Variants in POLR1B observed in about 807,000 individuals in gnomAD.
POLR1B encodes the protein RNA polymerase I subunit B.
A neutral mutation model predicts 105.8 loss-of-function variants in POLR1B; 30 were observed. The observed-to-expected ratio is 0.28, with a 90% CI of 0.21 to 0.38. The LOEUF is 0.38. Among genes scored for constraint, POLR1B ranks in the 10% least tolerant of loss-of-function variants. POLR1B has a pLI of 1.00. For synonymous variants in POLR1B, 485 were observed against 505.1 expected (o/e 0.96, Z 0.53); for missense variants, 976 against 1,435.8 (o/e 0.68, Z 5.17).
In POLR1B at chr2:112,546,902, TG is replaced by T. The variant is rs1483918549; in HGVS notation, c.178-108del. 17 of 1,210,380 alleles carry T rather than the reference TG, an allele frequency of 1.4e-5. No individual in the cohort carries two copies. The East Asian group carries it at 4.0e-4, about 29-fold the overall frequency. The allele number at this position is 1,210,380 out of a possible 1,614,324, so 75.0% of individuals were successfully genotyped here. A position where few individuals can be genotyped will look rare whatever the true frequency, so the allele number is the denominator to read the frequency against. ...TTAACTGTCCTTTTTAGGTGTGTCA[TG>T]GTGGCATCACAGGCATCAATGTTTG... On this transcript the variant is annotated intron_variant, in intron 1 of 14. Coordinates refer to ENST00000263331, the MANE Select transcript of POLR1B (RefSeq NM_019014.6).
At chr2:112,561,074 A>G (rs1432343903) in intron 9 of POLR1B, among the ~76,000 whole-genome samples, 6 of 151,810 alleles carry the variant, frequency 4.0e-5, no homozygotes, top group South Asian at 2.1e-4. Context: ...AAAAAAAAAA[A>G]AGAGAGAGAG....
intron 3 of POLR1B, chr2:112,548,118 T>C (rs1357487980): frequency 6.6e-6 from 1 of 152,442 alleles, no homozygotes; most frequent in African/African-American, 2.4e-5. Flanking sequence ...AAATGACTTA[T>C]ATGCATTCCC....
Position 112,552,744 on chromosome 2 carries a change from G to T in POLR1B, c.1086G>T (p.Met362Ile). 1 of 1,612,060 alleles carries T rather than the reference G, an allele frequency of 6.2e-7. No homozygotes were observed. Among genetic ancestry groups the T allele is most frequent in the Admixed American group, 1.7e-5 (1 of 59,648 alleles). Residue 362 changes from methionine to isoleucine, a missense_variant, in exon 7 of 15, where the codon ATG becomes ATT. Coordinates refer to ENST00000263331, the MANE Select transcript of POLR1B (RefSeq NM_019014.6). The stretch of plus-strand genomic sequence containing the variant: ...TTGCTTTAGCCAAAGGAGAGTGCAT[G>T]GAGGACAATCCTGATAGTTTGGTGA... ...KLFALAKGEC[M>I]EDNPDSLVNQ...
rs1683844277 is a variant in POLR1B, at chr2:112,559,454, T to A, written c.1492T>A (p.Cys498Ser). 1 of 1,614,092 alleles carries A rather than the reference T, an allele frequency of 6.2e-7. No homozygotes were observed. Residue 498 changes from cysteine (C) to serine (S), a missense_variant, in exon 9 of 15, where the codon TGT becomes AGT. Cys to Ser is a moderately radical substitution (Grantham distance 112). This residue lies in a region of POLR1B where 5 missense variants were observed against 27.8 expected (regional missense o/e 0.18). Coordinates refer to ENST00000263331, the MANE Select transcript of POLR1B (RefSeq NM_019014.6). ...RLLPESWGFL[C>S]PVHTPDGEPC... The stretch of plus-strand genomic sequence containing the variant: ...GCTGCCAGAGTCCTGGGGCTTCCTT[T>A]GTCCCGTGCATACCCCAGACGGGGA...
intron 14 of POLR1B, 62 bp from the exon 15 acceptor site, chr2:112,574,785 T>G: frequency 7.4e-7 from 1 of 1,345,428 alleles, no homozygotes; most frequent in Non-Finnish European, 1.0e-6. Context: ...ATTATATCAA[T>G]GAAACTTATC....
In POLR1B at chr2:112,575,588, T is replaced by C. The variant is rs1684824826; in HGVS notation, c.3267T>C (p.Ser1089=). 5.0e-6 allele frequency: 8 copies of C among 1,614,194 alleles called. No individual in the cohort carries two copies. Among genetic ancestry groups the C allele is most frequent in the Non-Finnish European group, 5.9e-6 (7 of 1,180,034 alleles). The change falls in exon 15 of 15, where the codon TCT becomes TCC. Residue 1089 remains serine (S), a synonymous_variant. Transcript: ENST00000263331. This position sits in a 1 kb window ranked among gnomAD's most constrained non-coding sequence, Gnocchi z 5.3. The part of the protein sequence containing the change: ...PLLEKPPPSW[S]AMRNRKYNCT... ...TGGAGAAGCCACCCCCTTCTTGGTC[T>C]GCCATGCGCAACAGAAAATACAACT...
intron 9 of POLR1B, among the ~76,000 whole-genome samples, chr2:112,563,494 C>T (rs1684117270): frequency 6.6e-6 from 1 of 152,194 alleles, no homozygotes; most frequent in Non-Finnish European, 1.5e-5. Flanking sequence ...AGTCAGTCCC[C>T]TCAAACCCTG....
intron 14 of POLR1B, among the ~76,000 whole-genome samples, chr2:112,574,313 T>C (rs1684750787): frequency 6.6e-6 from 1 of 152,220 alleles, no homozygotes; most frequent in Non-Finnish European, 1.5e-5. Context: ...TCATAATAAT[T>C]TTTCAGTTGC....
In POLR1B at chr2:112,574,929, A is replaced by G. The variant is rs771729295; in HGVS notation, c.2608A>G (p.Thr870Ala). Residue 870 changes from threonine (T) to alanine (A), a missense_variant, in exon 15 of 15, where the codon ACT (threonine) becomes GCT (alanine). Around this residue, in one of 12 missense-constraint regions of POLR1B, gnomAD observed 119 missense variants for 149.7 expected, o/e 0.79. Coordinates refer to ENST00000263331, the MANE Select transcript of POLR1B (RefSeq NM_019014.6). ...GSGKFKCVCI[T>A]MRVPRNPTIG... ...TGGAAAATTCAAGTGTGTTTGCATC[A>G]CTATGAGAGTGCCTCGGAACCCAAC... The G allele has an allele frequency of 6.2e-7, 1 of 1,614,156 alleles. No individual in the cohort carries two copies. The highest frequency in any genetic ancestry group is 8.5e-7 in the Non-Finnish European group (1 of 1,180,020).
At chr2:112,566,462 AT>A (rs1684278198) in intron 10 of POLR1B, among the ~76,000 whole-genome samples, 1 of 151,950 alleles carries the variant, frequency 6.6e-6, no homozygotes, top group African/African-American at 2.4e-5. Context: ...CCCCACCAGC[AT>A]TTTTTCTATG....
At chr2:112,556,520 G>A (rs542109623) in intron 7 of POLR1B, among the ~76,000 whole-genome samples, 39 of 152,356 alleles carry the variant, frequency 2.6e-4, no homozygotes, top group South Asian at 1.9e-3. Flanking sequence ...AGAATATGCA[G>A]AAATGAAATG....
rs972115663 is a variant in POLR1B, at chr2:112,575,462, T to C, written c.3141T>C (p.Ala1047=). ...AGATGGAACGGGATGCGCTTTTAGC[T>C]CATGGTACATCTTTTCTCCTTCATG... ...FGEMERDALL[A]HGTSFLLHDR... is the part of the protein sequence containing the mutation. The change falls in exon 15 of 15, where the codon GCT becomes GCC. Residue 1047 remains alanine, a synonymous_variant. Transcript: ENST00000263331. This position sits in a 1 kb window ranked among gnomAD's most constrained non-coding sequence, Gnocchi z 5.3. 2 of 1,614,172 alleles carry C rather than the reference T, an allele frequency of 1.2e-6. No individual in the cohort carries two copies. The highest frequency in any genetic ancestry group is 1.7e-6 in the Non-Finnish European group (2 of 1,180,036).
chr2:112,564,109 A>G (rs1684155202), intron 9 of POLR1B, among the ~76,000 whole-genome samples: 1 of 152,186 alleles, frequency 6.6e-6, no homozygotes, highest in Non-Finnish European at 1.5e-5. Context: ...TAATAATAAT[A>G]TTTGAAATAT....
upstream of POLR1B, chr2:112,542,158 G>C: frequency 6.5e-7 from 1 of 1,535,762 alleles, no homozygotes; most frequent in Non-Finnish European, 8.7e-7. Flanking sequence ...GCCAATGAGA[G>C]CCAAAGAGGT....
chr2:112,563,347 G>A (rs975105468), intron 9 of POLR1B, among the ~76,000 whole-genome samples: 2 of 152,074 alleles, frequency 1.3e-5, no homozygotes, highest in Admixed American at 6.5e-5. Context: ...GAGCCACCAC[G>A]CCTGGCCTGT....
chr2:112,542,106 A>G (rs564423067), upstream of POLR1B: 3 of 1,535,648 alleles, frequency 2.0e-6, no homozygotes, highest in Admixed American at 2.0e-5. Context: ...GAAACAGAAG[A>G]GAGCCTGAGA....
At chr2:112,572,854 T>A in intron 13 of POLR1B, 96 bp downstream of exon 13, 1 of 1,101,646 alleles carries the variant, frequency 9.1e-7, no homozygotes, top group Non-Finnish European at 1.3e-6. Context: ...TGTACCCAAG[T>A]ACCTAGTATT....
chr2:112,560,723 A>G (rs983097191), intron 9 of POLR1B, among the ~76,000 whole-genome samples: 12 of 152,144 alleles, frequency 7.9e-5, no homozygotes, highest in Non-Finnish European at 1.0e-4. Flanking sequence ...CTAGAAGGGC[A>G]TTGACTCAAG....
At chr2:112,564,520 A>AT in intron 10 of POLR1B, 21 bp downstream of exon 10, 1 of 1,614,062 alleles carries the variant, frequency 6.2e-7, no homozygotes, top group African/African-American at 1.3e-5. Context: ...GGCTTTGTGA[A>AT]TTGTCCTATC....
Sources: allele counts gnomAD v4.1 joint callset (sites outside exome capture counted in the v4.1 genomes callset), GRCh38; gene constraint gnomAD v4.1.1; regional missense constraint gnomAD v4.1.1; non-coding constraint Gnocchi (gnomAD v3.1); transcripts MANE v1.5; gene names NCBI Gene and HGNC (gene_info 2026-07-23, HGNC 2026-07-21).